Variants in TSPAN15 observed in about 807,000 individuals in gnomAD.
TSPAN15 encodes tetraspanin-15.
A neutral mutation model predicts 34.5 loss-of-function variants in TSPAN15; 20 were observed. That is an observed-to-expected ratio of 0.58 (90% CI 0.41 to 0.84). TSPAN15 has a LOEUF of 0.84. Ranked by LOEUF, TSPAN15 falls within the 40% of genes least tolerant of loss-of-function variation. The pLI, the probability that TSPAN15 is intolerant of heterozygous loss-of-function variation, is 0.00. For missense variants in TSPAN15, 313 were observed against 386.1 expected (o/e 0.81, Z 1.59); for synonymous variants, 155 against 153.9 (o/e 1.01, Z -0.05).
At chr10:69,536,673 T>C in the TSPAN15 span, among the ~76,000 whole-genome samples, 322 of 152,212 alleles carry the variant, frequency 2.1e-3, no homozygotes, top group Non-Finnish European at 3.2e-3. Flanking sequence ...ATTCCTGATG[T>C]CTCTCTCTTC....
intron 3 of TSPAN15, among the ~76,000 whole-genome samples, chr10:69,493,575 C>T (rs1290540113): frequency 4.0e-5 from 6 of 149,428 alleles, no homozygotes; most frequent in South Asian, 2.1e-4. Flanking sequence ...CAGGTTCAAG[C>T]GATTCTCCTG....
chr10:69,530,596 A>G, the TSPAN15 span, among the ~76,000 whole-genome samples: 1 of 145,924 alleles, frequency 6.9e-6, no homozygotes, highest in Non-Finnish European at 1.5e-5. Context: ...ATTTGAGGTC[A>G]GGAGTTCGAG....
Position 69,451,701 on chromosome 10 carries a change from C to G in TSPAN15, c.96+11C>G. On this transcript the variant is annotated intron_variant, in intron 1 of 7. Coordinates refer to ENST00000373290, the MANE Select transcript of TSPAN15 (RefSeq NM_012339.5). ...TCCACCGTGTTCTGGGTGAGTGACC[C>G]CAGTAGGGCCCGGGGATGGGGGTGG... 6.8e-7 allele frequency: 1 copy of G among 1,474,710 alleles called. No homozygotes were observed. The highest frequency in any genetic ancestry group is 9.0e-7 in the Non-Finnish European group (1 of 1,106,540). 91.4% of individuals were successfully genotyped at this position (1,474,710 alleles called of 1,614,324 possible). A position where few individuals can be genotyped will look rare whatever the true frequency, so the allele number is the denominator to read the frequency against.
chr10:69,543,844 A>AGGGTGTGTGTGTGTGTGTGTGT, the TSPAN15 span, among the ~76,000 whole-genome samples: 1 of 73,738 alleles, frequency 1.4e-5, no homozygotes, highest in Admixed American at 1.4e-4. Flanking sequence ...GAAGAAGGGG[A>AGGGTGTGTGTGTGTGTGTGTGT]GTGTGTGTGT....
chr10:69,548,038 C>T, the TSPAN15 span, among the ~76,000 whole-genome samples: 2 of 152,174 alleles, frequency 1.3e-5, no homozygotes, highest in African/African-American at 2.4e-5. Flanking sequence ...AGGCTTGAAT[C>T]ACATACTCAT....
intron 1 of TSPAN15, among the ~76,000 whole-genome samples, chr10:69,457,493 G>A (rs956333038): frequency 6.6e-6 from 1 of 152,174 alleles, no homozygotes; most frequent in Non-Finnish European, 1.5e-5. Context: ...TGTCATGGCT[G>A]GGGAGTGTTG....
chr10:69,496,462 G>C (rs1195743539), intron 4 of TSPAN15, among the ~76,000 whole-genome samples: 1 of 151,994 alleles, frequency 6.6e-6, no homozygotes, highest in Non-Finnish European at 1.5e-5. Flanking sequence ...TACATAAGGG[G>C]AATAATGACA....
At chr10:69,482,068 CAA>C (rs759640769) in intron 1 of TSPAN15, among the ~76,000 whole-genome samples, 2 of 120,320 alleles carry the variant, frequency 1.7e-5, no homozygotes, top group Non-Finnish European at 1.8e-5. Context: ...AAGACAAATT[CAA>C]AAAAAAAAAA....
downstream of TSPAN15, among the ~76,000 whole-genome samples, chr10:69,511,062 T>C (rs1277099964): frequency 6.6e-6 from 1 of 152,068 alleles, no homozygotes; most frequent in Non-Finnish European, 1.5e-5. Flanking sequence ...CTCTGCCAGG[T>C]TTTGGTATCA....
At chr10:69,470,261 G>T (rs144868700) in intron 1 of TSPAN15, among the ~76,000 whole-genome samples, 20 of 152,128 alleles carry the variant, frequency 1.3e-4, no homozygotes, top group Non-Finnish European at 1.5e-4. Context: ...ATCACATTAG[G>T]GGGTGTGTGC....
At chr10:69,480,089 G>A (rs952946040) in intron 1 of TSPAN15, among the ~76,000 whole-genome samples, 1 of 152,196 alleles carries the variant, frequency 6.6e-6, no homozygotes, top group African/African-American at 2.4e-5. Flanking sequence ...TTCTGGAGTG[G>A]GTCCCAGGGC....
chr10:69,462,509 G>C lies in TSPAN15; in HGVS notation c.96+10819G>C, dbSNP rs559100487. ...CACCATCACGCCCAGCTAATTTTTT[G>C]TATTTTTAGTAGAGACAGGGTTTCA... On this transcript the variant is annotated intron_variant, in intron 1 of 7. Coordinates refer to ENST00000373290, the MANE Select transcript of TSPAN15 (RefSeq NM_012339.5). Among the ~76,000 whole-genome samples, 351 of 151,804 alleles carry C rather than the reference G, an allele frequency of 2.3e-3. 1 individual carries two copies. The highest frequency in any genetic ancestry group is 3.9e-3 in the Non-Finnish European group (264 of 67,928).
chr10:69,451,925 C>T (rs779347605), intron 1 of TSPAN15, among the ~76,000 whole-genome samples: 1 of 152,230 alleles, frequency 6.6e-6, no homozygotes, highest in Non-Finnish European at 1.5e-5. Flanking sequence ...CCACCTGGCT[C>T]ACCTGTGTGC....
At chr10:69,486,284 A>G (rs1841852033) in intron 3 of TSPAN15, among the ~76,000 whole-genome samples, 1 of 152,152 alleles carries the variant, frequency 6.6e-6, no homozygotes, top group Non-Finnish European at 1.5e-5. Flanking sequence ...GTGGGGCTTG[A>G]GGAGCAGGAC....
chr10:69,545,463 G>C, the TSPAN15 span, among the ~76,000 whole-genome samples: 5 of 152,324 alleles, frequency 3.3e-5, no homozygotes, highest in East Asian at 9.7e-4. Flanking sequence ...CAGATGCCTG[G>C]GGAGGGAGGC....
At chr10:69,492,593 A>C (rs1020075064) in intron 3 of TSPAN15, among the ~76,000 whole-genome samples, 1 of 152,106 alleles carries the variant, frequency 6.6e-6, no homozygotes, top group Non-Finnish European at 1.5e-5. Context: ...GAAAGGCCGA[A>C]TTTTTCCAGG....
intron 1 of TSPAN15, among the ~76,000 whole-genome samples, chr10:69,473,349 A>G (rs61614308): frequency 0.062 from 9,438 of 152,198 alleles, 1,012 homozygotes; most frequent in African/African-American, 0.22. Flanking sequence ...TCTCCTTTCC[A>G]AGGCTGCTAT....
At chr10:69,500,697 T>C (rs954062179) in intron 5 of TSPAN15, among the ~76,000 whole-genome samples, 1 of 152,176 alleles carries the variant, frequency 6.6e-6, no homozygotes. Context: ...CCTCTCCCCC[T>C]TGGGCAGGGC....
intron 4 of TSPAN15, among the ~76,000 whole-genome samples, chr10:69,497,266 C>T (rs1203886022): frequency 5.3e-5 from 8 of 152,192 alleles, no homozygotes; most frequent in Non-Finnish European, 8.8e-5. Context: ...GCTACCAGGA[C>T]GTGTACTGCA....
Sources: allele counts gnomAD v4.1 joint callset (sites outside exome capture counted in the v4.1 genomes callset), GRCh38; gene constraint gnomAD v4.1.1; transcripts MANE v1.5; gene names NCBI Gene and HGNC (gene_info 2026-07-23, HGNC 2026-07-21).